UBQLN1: variants seen among roughly 807,000 people sequenced by gnomAD.
UBQLN1 encodes ubiquilin 1.
In UBQLN1, 13 loss-of-function variants were observed where a neutral mutation model predicts 65.4. That is an observed-to-expected ratio of 0.20 (90% CI 0.13 to 0.32). The LOEUF (loss-of-function observed/expected upper bound fraction) is 0.32. Among genes scored for constraint, UBQLN1 ranks in the 10% least tolerant of loss-of-function variants. The pLI is 1.00. For synonymous variants in UBQLN1, 267 were observed against 247.8 expected (o/e 1.08, Z -0.73); for missense variants, 561 against 724.0 (o/e 0.77, Z 2.58).
chr9:83,685,585 G>A (rs907119158), intron 2 of UBQLN1, among the ~76,000 whole-genome samples: 1 of 148,358 alleles, frequency 6.7e-6, no homozygotes, highest in South Asian at 2.1e-4. Flanking sequence ...CTTGAGCCCA[G>A]CCTGGGCAAC....
At chr9:83,672,760 T>C (rs1336456224) in intron 6 of UBQLN1, among the ~76,000 whole-genome samples, 2 of 152,210 alleles carry the variant, frequency 1.3e-5, no homozygotes, top group Non-Finnish European at 2.9e-5. Context: ...AAAATGGTAC[T>C]AACAGACTTG....
intron 6 of UBQLN1, among the ~76,000 whole-genome samples, chr9:83,677,270 A>C (rs1831849333): frequency 6.6e-6 from 1 of 152,252 alleles, no homozygotes; most frequent in Admixed American, 6.5e-5. Flanking sequence ...TTCCTTTAAA[A>C]AACAAAATGT....
intron 6 of UBQLN1, among the ~76,000 whole-genome samples, chr9:83,672,567 A>T (rs1831751623): frequency 6.6e-6 from 1 of 152,258 alleles, no homozygotes. Context: ...GTCAGAACAC[A>T]TACATTTACT....
At chr9:83,695,695 C>T (rs1832200719) in intron 1 of UBQLN1, among the ~76,000 whole-genome samples, 1 of 152,120 alleles carries the variant, frequency 6.6e-6, no homozygotes, top group South Asian at 2.1e-4. Context: ...CAGACTGTTG[C>T]CATATCTACA....
intron 6 of UBQLN1, among the ~76,000 whole-genome samples, chr9:83,673,710 T>C (rs147770620): frequency 8.5e-5 from 13 of 152,272 alleles, no homozygotes; most frequent in African/African-American, 3.1e-4. Flanking sequence ...GAACAGTCAT[T>C]CTCACTTATT....
chr9:83,698,164 T>C (rs563268630), intron 1 of UBQLN1, among the ~76,000 whole-genome samples: 26 of 152,334 alleles, frequency 1.7e-4, no homozygotes, highest in African/African-American at 5.8e-4. Flanking sequence ...CATTATGTCA[T>C]TGTCATTAAC....
chr9:83,663,011 G>C lies in UBQLN1; in HGVS notation c.1617+864C>G, dbSNP rs565423822. Reference sequence around the variant, plus strand: ...GGATTGCTGCAGCCCAGGAGGTGCAGGTCGCAGTGAGCTGTGATTGCATCC... The same window carrying C: ...GGATTGCTGCAGCCCAGGAGGTGCACGTCGCAGTGAGCTGTGATTGCATCC... On this transcript the variant is annotated intron_variant, in intron 10 of 10. Transcript: ENST00000376395. Among the ~76,000 whole-genome samples, 5 of 151,516 alleles carry C rather than the reference G, an allele frequency of 3.3e-5. No individual in the cohort carries two copies. The East Asian group carries it at 1.0e-3, about 30-fold the overall frequency.
At chr9:83,669,037 C>T (rs961513151) in intron 7 of UBQLN1, 148 bp downstream of exon 7, 50 of 877,178 alleles carry the variant, frequency 5.7e-5, no homozygotes, top group African/African-American at 5.3e-4. Flanking sequence ...AAGAAACACA[C>T]GGTCTAAAAA....
intron 6 of UBQLN1, among the ~76,000 whole-genome samples, chr9:83,675,768 T>C (rs1012419061): frequency 1.3e-5 from 2 of 152,192 alleles, no homozygotes; most frequent in East Asian, 1.9e-4. Context: ...GTATTTTGAA[T>C]AAGTCAGTCA....
intron 5 of UBQLN1, among the ~76,000 whole-genome samples, chr9:83,678,224 T>G (rs1368636882): frequency 6.6e-6 from 1 of 152,248 alleles, no homozygotes; most frequent in East Asian, 1.9e-4. Context: ...GATTTCACCG[T>G]ATTAGCCAGG....
In UBQLN1 at chr9:83,664,863, G is replaced by T. The variant is rs1294279915; in HGVS notation, c.1448+167C>A. Among the ~76,000 whole-genome samples, 4 of 141,836 alleles carry T rather than the reference G, an allele frequency of 2.8e-5. No individual in the cohort carries two copies. The Admixed American group carries it at 3.1e-4, about 11-fold the overall frequency. 93.0% of individuals were successfully genotyped at this position (141,836 alleles called of 152,430 possible). The stretch of plus-strand genomic sequence containing the variant: ...GAGCCCGAGAGGTCGAGGCTGCAGT[G>T]AGCCACAACTGCGCCCCCACACTCA... On this transcript the variant is annotated intron_variant, in intron 9 of 10. Coordinates refer to ENST00000376395, the MANE Select transcript of UBQLN1 (RefSeq NM_013438.5).
intron 1 of UBQLN1, among the ~76,000 whole-genome samples, chr9:83,703,072 A>AT (rs921037948): frequency 5.9e-5 from 9 of 152,234 alleles, no homozygotes; most frequent in African/African-American, 2.2e-4. Context: ...TCTCACATAT[A>AT]TAACTCTCCA....
intron 1 of UBQLN1, among the ~76,000 whole-genome samples, chr9:83,688,040 T>C (rs1307782758): frequency 1.3e-5 from 2 of 152,220 alleles, no homozygotes; most frequent in Admixed American, 6.5e-5. Context: ...AAACAGGTCA[T>C]AATTTAACTA....
At chr9:83,705,573 C>A (rs1189462060) in intron 1 of UBQLN1, among the ~76,000 whole-genome samples, 2 of 152,142 alleles carry the variant, frequency 1.3e-5, no homozygotes, top group African/African-American at 4.8e-5. Flanking sequence ...TAGTTTCTCA[C>A]AAAACTGAAA....
chr9:83,679,829 T>C lies in UBQLN1; in HGVS notation c.657A>G (p.Ile219Met). The C allele has an allele frequency of 6.2e-7, 1 of 1,614,226 alleles. No individual in the cohort carries two copies. Among genetic ancestry groups the C allele is most frequent in the South Asian group, 1.1e-5 (1 of 91,086 alleles). ...IMANPQMQQL[I>M]QRNPEISHML... ...TATGACTAATTTCTGGATTTCTCTG[T>C]ATCAACTGCTGCATTTGTGGATTGG... The change falls in exon 4 of 11, where the codon ATA (isoleucine) becomes ATG (methionine). Residue 219 changes from isoleucine (I) to methionine (M), a missense_variant. Ile to Met is a conservative substitution (Grantham distance 10, BLOSUM62 1). Around this residue, in one of 8 missense-constraint regions of UBQLN1, gnomAD observed 75 missense variants for 138.9 expected, o/e 0.54. Coordinates refer to ENST00000376395, the MANE Select transcript of UBQLN1 (RefSeq NM_013438.5).
intron 7 of UBQLN1, chr9:83,667,393 A>C (rs1444048162): frequency 5.3e-6 from 3 of 569,070 alleles, no homozygotes; most frequent in Non-Finnish European, 2.2e-6. Context: ...GCCCTCAAGA[A>C]GTTAACCGTA....
chr9:83,702,154 A>C, intron 1 of UBQLN1, among the ~76,000 whole-genome samples: 1 of 152,180 alleles, frequency 6.6e-6, no homozygotes. Flanking sequence ...TGGGGGGCCC[A>C]GGGAGAAACG....
intron 1 of UBQLN1, among the ~76,000 whole-genome samples, chr9:83,701,635 C>A (rs1355884904): frequency 2.0e-5 from 3 of 152,006 alleles, no homozygotes; most frequent in African/African-American, 7.2e-5. Context: ...CATTTCACAG[C>A]CAGTAAGATG....
At chr9:83,675,451 C>G (rs1389785104) in intron 6 of UBQLN1, among the ~76,000 whole-genome samples, 1 of 148,612 alleles carries the variant, frequency 6.7e-6, no homozygotes. Context: ...AGGTGCTTTA[C>G]AGACTTCCTA....
Sources: gnomAD v4.1 joint callset for allele counts (sites outside exome capture counted in the v4.1 genomes callset) on GRCh38, gnomAD v4.1.1 for gene constraint, gnomAD v4.1.1 regional missense constraint, MANE v1.5 for transcripts, NCBI Gene and HGNC (gene_info 2026-07-23, HGNC 2026-07-21) for gene names.